MCC: variants seen among roughly 807,000 people sequenced by gnomAD.
MCC encodes colorectal mutant cancer protein.
Under a neutral mutation model 116.2 loss-of-function variants are expected in MCC, and 90 were observed. The ratio of observed to expected loss-of-function variants is 0.77; its 90% CI spans 0.65 to 0.92. MCC has a LOEUF of 0.92. Ranked by LOEUF, MCC falls within the 40% of genes least tolerant of loss-of-function variation. The probability of loss-of-function intolerance (pLI) is 0.00; values close to 1 mark genes in which losing one functional copy is unlikely to be tolerated. For missense variants in MCC, 1,516 were observed against 1,312.2 expected (o/e 1.16, Z -2.40); for synonymous variants, 578 against 510.5 (o/e 1.13, Z -1.78).
In MCC at chr5:113,433,964, C is replaced by T. The variant is rs200640468; in HGVS notation, c.171-48752G>A. On this transcript the variant is annotated intron_variant, in intron 1 of 18. Transcript: ENST00000408903. Reference sequence around the variant, plus strand: ...CGGGGGTCCACAAGGGTTCAGTTCCCCGGGAACTCTCCCCCTCCTTGTTGA... The same window carrying T: ...CGGGGGTCCACAAGGGTTCAGTTCCTCGGGAACTCTCCCCCTCCTTGTTGA... 1.0e-3 allele frequency: 1,613 copies of T among 1,614,016 alleles called. 15 individuals are homozygous for T. The highest frequency in any genetic ancestry group is 9.9e-3 in the South Asian group (904 of 91,074).
intron 1 of MCC, among the ~76,000 whole-genome samples, chr5:113,439,593 G>A (rs116045294): frequency 3.3e-5 from 5 of 152,178 alleles, no homozygotes; most frequent in African/African-American, 7.2e-5. Context: ...ATGGCCAGTC[G>A]TAAGTTTTCT....
At chr5:113,105,751 T>C (rs11743292) in intron 6 of MCC, among the ~76,000 whole-genome samples, 21,029 of 152,208 alleles carry the variant, frequency 0.14, 1,847 homozygotes, top group South Asian at 0.23. Flanking sequence ...ATCTCCTGCC[T>C]CTACTCTCCA....
At chr5:113,112,252 G>C (rs190108756) in intron 6 of MCC, among the ~76,000 whole-genome samples, 35 of 152,296 alleles carry the variant, frequency 2.3e-4, no homozygotes, top group Admixed American at 2.3e-3. Context: ...GATAGGGCTT[G>C]GGTTTGTGTC....
chr5:113,264,403 C>A (rs1765337825), intron 3 of MCC, among the ~76,000 whole-genome samples: 1 of 152,214 alleles, frequency 6.6e-6, no homozygotes, highest in South Asian at 2.1e-4. Context: ...GCTCACTGAA[C>A]TTAAAATCTT....
At chr5:113,179,503 A>G (rs1235208643) in intron 3 of MCC, among the ~76,000 whole-genome samples, 2 of 152,198 alleles carry the variant, frequency 1.3e-5, no homozygotes, top group Non-Finnish European at 2.9e-5. Context: ...AATGGGTTCA[A>G]GATGTTCTGG....
At chr5:113,409,372 G>A (rs1769918182) in intron 1 of MCC, among the ~76,000 whole-genome samples, 1 of 150,434 alleles carries the variant, frequency 6.6e-6, no homozygotes, top group African/African-American at 2.4e-5. Context: ...TTTTTTTTTA[G>A]ACAGGGTCTT....
intron 2 of MCC, among the ~76,000 whole-genome samples, chr5:113,343,768 T>C (rs1768067721): frequency 6.6e-6 from 1 of 152,182 alleles, no homozygotes; most frequent in Non-Finnish European, 1.5e-5. Context: ...AAATACAACA[T>C]GGGAATTAAG....
intron 6 of MCC, among the ~76,000 whole-genome samples, chr5:113,121,553 T>C (rs1213438382): frequency 5.9e-5 from 9 of 152,232 alleles, no homozygotes; most frequent in African/African-American, 2.2e-4. Context: ...GTCAAACGCC[T>C]TCCTAGAGGA....
intron 6 of MCC, among the ~76,000 whole-genome samples, chr5:113,119,574 G>A (rs957596821): frequency 2.6e-5 from 4 of 152,240 alleles, no homozygotes; most frequent in Admixed American, 6.5e-5. Flanking sequence ...TGTTGGCTGC[G>A]TGCTGAGGAA....
intron 6 of MCC, among the ~76,000 whole-genome samples, chr5:113,114,149 G>C (rs13179421): frequency 2.0e-5 from 3 of 151,840 alleles, no homozygotes; most frequent in African/African-American, 7.3e-5. Flanking sequence ...AAAATGTGGC[G>C]AAATGTTAAC....
intron 3 of MCC, among the ~76,000 whole-genome samples, chr5:113,301,263 C>T (rs1766855047): frequency 6.6e-6 from 1 of 152,118 alleles, no homozygotes; most frequent in African/African-American, 2.4e-5. Context: ...GTCGGGAGTT[C>T]AAGACCAGCC....
At chr5:113,219,923 C>T (rs1275580110) in intron 3 of MCC, among the ~76,000 whole-genome samples, 1 of 151,932 alleles carries the variant, frequency 6.6e-6, no homozygotes, top group Admixed American at 6.6e-5. Context: ...CTCACAACAT[C>T]CTCCCGGTCA....
chr5:113,134,174 C>T (rs1018245415), intron 5 of MCC, among the ~76,000 whole-genome samples: 9 of 152,134 alleles, frequency 5.9e-5, no homozygotes, highest in Admixed American at 2.6e-4. Flanking sequence ...AGTGCATTTC[C>T]TTAATGTTTT....
chr5:113,032,441 T>TATCCTCAAATA (rs1170319906), intron 17 of MCC, among the ~76,000 whole-genome samples: 5 of 151,536 alleles, frequency 3.3e-5, no homozygotes, highest in African/African-American at 1.2e-4. Context: ...GGATACTGAT[T>TATCCTCAAATA]ACATGTTGAG....
At chr5:113,311,165 T>C (rs1767126648) in intron 3 of MCC, among the ~76,000 whole-genome samples, 1 of 152,186 alleles carries the variant, frequency 6.6e-6, no homozygotes, top group Non-Finnish European at 1.5e-5. Flanking sequence ...TTGCCTTCAG[T>C]TAAACTTAGA....
chr5:113,250,862 G>T (rs1241548534), intron 3 of MCC, among the ~76,000 whole-genome samples: 1 of 152,118 alleles, frequency 6.6e-6, no homozygotes, highest in African/African-American at 2.4e-5. Flanking sequence ...CCTACACAAA[G>T]GGAACTCCCT....
chr5:113,113,705 C>A (rs551036034), intron 6 of MCC, among the ~76,000 whole-genome samples: 62 of 144,100 alleles, frequency 4.3e-4, no homozygotes, highest in African/African-American at 1.5e-3. Flanking sequence ...ACAATCAGAT[C>A]ATCAGATTGA....
chr5:113,073,155 C>T (rs546016467), intron 11 of MCC, among the ~76,000 whole-genome samples: 2 of 151,854 alleles, frequency 1.3e-5, no homozygotes, highest in South Asian at 4.1e-4. Flanking sequence ...CATTGCTCTT[C>T]TTCCAGTGTG....
chr5:113,191,858 C>G (rs886974722), intron 3 of MCC, among the ~76,000 whole-genome samples: 1 of 152,194 alleles, frequency 6.6e-6, no homozygotes, highest in African/African-American at 2.4e-5. Flanking sequence ...TTGTTTTTCT[C>G]TCTTCTATGG....
Sources: allele counts gnomAD v4.1 joint callset (sites outside exome capture counted in the v4.1 genomes callset), GRCh38; gene constraint gnomAD v4.1.1; transcripts MANE v1.5; gene names NCBI Gene and HGNC (gene_info 2026-07-23, HGNC 2026-07-21).